Variants in PSMD5 observed in about 807,000 individuals in gnomAD.
PSMD5 encodes proteasome 26S subunit, non-ATPase 5.
Under a neutral mutation model 52.1 loss-of-function variants are expected in PSMD5, and 40 were observed. The observed-to-expected ratio is 0.77, with a 90% CI of 0.60 to 1.00. The LOEUF is 1.00. PSMD5 is among the 50% of genes least tolerant of loss of function. PSMD5 has a pLI of 0.00. For synonymous variants in PSMD5, 211 were observed against 226.6 expected (o/e 0.93, Z 0.62); for missense variants, 575 against 605.2 (o/e 0.95, Z 0.52).
chr9:120,822,377 A>G (rs1439725582), intron 7 of PSMD5, among the ~76,000 whole-genome samples: 1 of 152,078 alleles, frequency 6.6e-6, no homozygotes, highest in Non-Finnish European at 1.5e-5. Flanking sequence ...AATTTTCTTA[A>G]CTCCTCTAAG....
intron 5 of PSMD5, among the ~76,000 whole-genome samples, chr9:120,827,241 A>C (rs1326341279): frequency 6.6e-6 from 1 of 152,246 alleles, no homozygotes; most frequent in East Asian, 1.9e-4. Flanking sequence ...ATGAGAATAC[A>C]ATAAGCCCCC....
intron 7 of PSMD5, 164 bp downstream of exon 7, chr9:120,824,329 GT>G: frequency 3.1e-6 from 2 of 650,274 alleles, no homozygotes; most frequent in Non-Finnish European, 5.3e-6. Flanking sequence ...AAGGTTTTCC[GT>G]AATAATTATT....
At chr9:120,819,574 C>A (rs1339557001) in intron 9 of PSMD5, among the ~76,000 whole-genome samples, 1 of 152,222 alleles carries the variant, frequency 6.6e-6, no homozygotes, top group African/African-American at 2.4e-5. Flanking sequence ...GTGGCTCACG[C>A]CTGTAATCCC....
intron 9 of PSMD5, 85 bp from the exon 10 acceptor site, chr9:120,818,248 G>A (rs2045059230): frequency 2.2e-6 from 3 of 1,364,892 alleles, no homozygotes; most frequent in East Asian, 2.4e-5. Flanking sequence ...AAAGAAATCT[G>A]GCAACATGAA....
chr9:120,829,730 G>A (rs2045147219), intron 4 of PSMD5, among the ~76,000 whole-genome samples: 2 of 152,120 alleles, frequency 1.3e-5, no homozygotes, highest in Admixed American at 6.5e-5. Context: ...ATATCTAGGT[G>A]TATCAGCACT....
intron 2 of PSMD5, 23 bp downstream of exon 2, chr9:120,833,289 C>T (rs150684799): frequency 1.8e-5 from 29 of 1,610,772 alleles, no homozygotes; most frequent in African/African-American, 1.5e-4. Context: ...TGGTCAATGT[C>T]GGTTCCTAGT....
chr9:120,834,413 A>T (rs1301452694), intron 1 of PSMD5, among the ~76,000 whole-genome samples: 1 of 152,086 alleles, frequency 6.6e-6, no homozygotes, highest in African/African-American at 2.4e-5. Flanking sequence ...CAGAGGGTAC[A>T]GGGAAGGCTT....
intron 7 of PSMD5, among the ~76,000 whole-genome samples, chr9:120,822,940 C>T (rs1479254567): frequency 6.6e-6 from 1 of 151,854 alleles, no homozygotes; most frequent in African/African-American, 2.4e-5. Context: ...ATGATTCTCC[C>T]ACCTCAGCCT....
intron 8 of PSMD5, 92 bp from the exon 9 acceptor site, chr9:120,821,071 C>T (rs2045081076): frequency 1.5e-6 from 2 of 1,351,870 alleles, no homozygotes; most frequent in African/African-American, 2.9e-5. Context: ...GCTGATGGCA[C>T]TCTGTCATTA....
intron 1 of PSMD5, among the ~76,000 whole-genome samples, chr9:120,834,033 A>G (rs1161344757): frequency 5.7e-5 from 7 of 123,248 alleles, no homozygotes; most frequent in Non-Finnish European, 9.8e-5. Context: ...AGGCTGGAGT[A>G]CAGTGGCACG....
chr9:120,816,730 C>T lies in PSMD5; in HGVS notation c.*1176G>A. On this transcript the variant is annotated 3_prime_UTR_variant, in exon 10 of 10. Coordinates refer to ENST00000210313, the MANE Select transcript of PSMD5 (RefSeq NM_005047.4). ...TGGCTTTGCTGTTTAGAGAGAAGAA[C>T]ACTGGAAAACAGGTGGGTGTAGGTG... is the stretch of plus-strand genomic sequence containing the variant. The T allele has an allele frequency of 6.6e-6, 1 of 152,192 alleles. No homozygotes were observed. Among genetic ancestry groups the T allele is most frequent in the Non-Finnish European group, 1.5e-5 (1 of 68,040 alleles). The allele number at this position is 152,192 out of a possible 1,614,324, so 9.4% of individuals were successfully genotyped here.
At chr9:120,837,136 A>G (rs897386955) in intron 1 of PSMD5, among the ~76,000 whole-genome samples, 2 of 151,780 alleles carry the variant, frequency 1.3e-5, no homozygotes, top group Non-Finnish European at 2.9e-5. Context: ...TGATCTGCCC[A>G]CCTTGGCCTC....
In PSMD5 at chr9:120,817,948, A is replaced by G. The variant is rs756940946; in HGVS notation, c.1473T>C (p.Tyr491=). 8 of 1,614,034 alleles carry G rather than the reference A, an allele frequency of 5.0e-6. No individual in the cohort carries two copies. The South Asian group carries it at 7.7e-5, about 16-fold the overall frequency. ...CTGCTGTCGTGGAAACAGGTTTCAC[A>G]TAGTATGGCCCTTCACTCAGGTAAG... ...LRTYLSEGPY[Y]VKPVSTTAVE... The change falls in exon 10 of 10, where the codon TAT becomes TAC. Residue 491 remains tyrosine, a synonymous_variant. Coordinates refer to ENST00000210313, the MANE Select transcript of PSMD5 (RefSeq NM_005047.4).
intron 2 of PSMD5, among the ~76,000 whole-genome samples, chr9:120,832,431 C>G (rs567660730): frequency 5.1e-5 from 7 of 137,014 alleles, no homozygotes; most frequent in Non-Finnish European, 7.7e-5. Flanking sequence ...GAGTCTCACT[C>G]TTTCGCCCAG....
At chr9:120,840,086 C>T (rs915191877) in intron 1 of PSMD5, among the ~76,000 whole-genome samples, 1 of 145,520 alleles carries the variant, frequency 6.9e-6, no homozygotes, top group Non-Finnish European at 1.5e-5. Context: ...TACATCCTGC[C>T]ACTGCACTCC....
intron 1 of PSMD5, among the ~76,000 whole-genome samples, 180 bp from the exon 2 acceptor site, chr9:120,833,636 G>A (rs2045176619): frequency 6.6e-6 from 1 of 151,694 alleles, no homozygotes; most frequent in Non-Finnish European, 1.5e-5. Flanking sequence ...CCTGTGCTGG[G>A]GCAACAGAGA....
At position 120,831,413 on chromosome 9, in the gene PSMD5, T is replaced by A. The variant is rs1453456517; in HGVS notation, c.479A>T (p.Glu160Val). Residue 160 changes from glutamate (E) to valine (V), a missense_variant, in exon 4 of 10, where the codon GAG (glutamate) becomes GTG (valine). Physicochemically the swap from Glu to Val is moderately radical, Grantham distance 121. Coordinates refer to ENST00000210313, the MANE Select transcript of PSMD5 (RefSeq NM_005047.4). The stretch of plus-strand genomic sequence containing the variant: ...CAGCAGATTGCTTTCAAATAAAGCC[T>A]CCAGTCCAGCTTGGGTTAGTGATAT... ...SRISLTQAGL[E>V]ALFESNLLDD... 2 of 1,612,626 alleles carry A rather than the reference T, an allele frequency of 1.2e-6. No individual in the cohort carries two copies. The highest frequency in any genetic ancestry group is 1.7e-6 in the Non-Finnish European group (2 of 1,179,534).
chr9:120,835,459 T>C (rs1327371258), intron 1 of PSMD5, among the ~76,000 whole-genome samples: 1 of 152,190 alleles, frequency 6.6e-6, no homozygotes, highest in African/African-American at 2.4e-5. Flanking sequence ...GCTCGGTGAC[T>C]CACGCCTGTA....
intron 5 of PSMD5, among the ~76,000 whole-genome samples, chr9:120,828,691 G>A (rs766663347): frequency 2.0e-5 from 3 of 152,158 alleles, no homozygotes; most frequent in Non-Finnish European, 4.4e-5. Flanking sequence ...CTCCCAAAGT[G>A]CTGGGATTAC....
Sources: allele counts gnomAD v4.1 joint callset (sites outside exome capture counted in the v4.1 genomes callset), GRCh38; gene constraint gnomAD v4.1.1; transcripts MANE v1.5; gene names NCBI Gene and HGNC (gene_info 2026-07-23, HGNC 2026-07-21).